The following RBFOX1 variants were observed in gnomAD, a reference collection of about 807,000 sequenced individuals.
The protein encoded by RBFOX1 is RNA binding protein fox-1 homolog 1.
A neutral mutation model predicts 57.7 loss-of-function variants in RBFOX1; 8 were observed. The observed-to-expected ratio is 0.14, with a 90% CI of 0.08 to 0.25. The LOEUF (loss-of-function observed/expected upper bound fraction) is 0.25, where lower values mean the gene tolerates loss of function less well. Among genes scored for constraint, RBFOX1 ranks in the 10% least tolerant of loss-of-function variants. The pLI, the probability that RBFOX1 is intolerant of heterozygous loss-of-function variation, is 1.00. For missense variants in RBFOX1, 611 were observed against 548.5 expected (o/e 1.11, Z -1.14); for synonymous variants, 326 against 222.4 (o/e 1.47, Z -4.15).
intron 2 of RBFOX1, among the ~76,000 whole-genome samples, chr16:5,501,318 CAAAAA>C (rs1160788118): frequency 3.2e-4 from 21 of 64,896 alleles, no homozygotes; most frequent in Admixed American, 1.2e-3. Flanking sequence ...ACTCTGTCTA[CAAAAA>C]AAAAAAAAAA....
intron 1 of RBFOX1, among the ~76,000 whole-genome samples, chr16:6,133,369 A>G (rs147133547): frequency 4.6e-5 from 7 of 152,282 alleles, no homozygotes; most frequent in Non-Finnish European, 7.3e-5. Context: ...TTTAGTGCCT[A>G]TCAGGCATGT....
At chr16:6,505,160 T>C (rs993884951) in intron 2 of RBFOX1, among the ~76,000 whole-genome samples, 1 of 152,238 alleles carries the variant, frequency 6.6e-6, no homozygotes, top group Admixed American at 6.5e-5. Context: ...CTGCCCTAGT[T>C]ATGCAGTTTC....
At chr16:7,426,569 C>T (rs765270860) in intron 4 of RBFOX1, among the ~76,000 whole-genome samples, 3 of 152,160 alleles carry the variant, frequency 2.0e-5, no homozygotes, top group Non-Finnish European at 4.4e-5. Context: ...GTTCTTCAAA[C>T]CAAATAGATG....
chr16:6,663,268 G>A lies in RBFOX1; in HGVS notation c.-16+8618G>A, dbSNP rs114744584. 5.7e-3 allele frequency among the ~76,000 whole-genome samples: 873 copies of A among 152,322 alleles called. 9 individuals carry two copies. Among genetic ancestry groups the A allele is most frequent in the African/African-American group, 0.02 (817 of 41,572 alleles). ...TGTCTCCACCCAGGAACTTGTCACA[G>A]ACGGCTCAGCTTAAGTATTTGTATA... is the stretch of plus-strand genomic sequence containing the variant. On this transcript the variant is annotated intron_variant, in intron 3 of 15. Coordinates refer to ENST00000550418, the MANE Select transcript of RBFOX1 (RefSeq NM_018723.4).
In RBFOX1 at chr16:7,417,827, C is replaced by G. The variant is rs189699481; in HGVS notation, c.28-100320C>G. Among the ~76,000 whole-genome samples the G allele has an allele frequency of 1.9e-4, 29 of 152,306 alleles. 1 individual carries two copies. The highest frequency in any genetic ancestry group is 1.6e-3 in the Admixed American group (25 of 15,300). ...TGTGGTTGCAGAATTAGTCCTCACA[C>G]AGAGCTTGATTGTCTACTTCACTTC... On this transcript the variant is annotated intron_variant, in intron 4 of 15. Coordinates refer to ENST00000550418, the MANE Select transcript of RBFOX1 (RefSeq NM_018723.4).
At chr16:6,460,251 T>A (rs2094884998) in intron 2 of RBFOX1, among the ~76,000 whole-genome samples, 1 of 152,032 alleles carries the variant, frequency 6.6e-6, no homozygotes, top group African/African-American at 2.4e-5. Context: ...TTTCCCTGTG[T>A]TTTTCCCTGT....
In RBFOX1 at chr16:6,549,552, TGGG is replaced by T. The variant is rs1476737714; in HGVS notation, c.-63-105050_-63-105048del. Among the ~76,000 whole-genome samples the T allele has an allele frequency of 6.4e-3, 235 of 36,776 alleles. 2 individuals are homozygous for T. The highest frequency in any genetic ancestry group is 0.022 in the African/African-American group (213 of 9,684). The allele number at this position is 36,776 out of a possible 152,430, so 24.1% of individuals were successfully genotyped here. On this transcript the variant is annotated intron_variant, in intron 2 of 15. Transcript: ENST00000550418. Reference sequence around the variant, plus strand: ...GAGGAGGAGGAGGGGAGGAGGAGGATGGGAGGAGGGGAGGAAGGGAGGAAGGAG... The same window carrying T: ...GAGGAGGAGGAGGGGAGGAGGAGGATAGGAGGGGAGGAAGGGAGGAAGGAG...
intron 3 of RBFOX1, among the ~76,000 whole-genome samples, chr16:5,777,672 T>G (rs1195831191): frequency 6.6e-6 from 1 of 152,188 alleles, no homozygotes; most frequent in Non-Finnish European, 1.5e-5. Flanking sequence ...AGGGTTGTTG[T>G]GAGACTTAAT....
chr16:6,989,755 T>C (rs992860042), intron 3 of RBFOX1, among the ~76,000 whole-genome samples: 1 of 152,086 alleles, frequency 6.6e-6, no homozygotes, highest in Admixed American at 6.5e-5. Flanking sequence ...ATTCCAGCAC[T>C]TTGGGAGGCT....
chr16:6,703,725 GA>G (rs2062222382), intron 3 of RBFOX1, among the ~76,000 whole-genome samples: 2 of 152,036 alleles, frequency 1.3e-5, no homozygotes, highest in South Asian at 4.2e-4. Context: ...AAAAAGAAAA[GA>G]AAAAAGAAAG....
chr16:6,427,234 G>A (rs1334842727), intron 2 of RBFOX1, among the ~76,000 whole-genome samples: 1 of 152,182 alleles, frequency 6.6e-6, no homozygotes, highest in Non-Finnish European at 1.5e-5. Context: ...ATGTGCTTCT[G>A]CCCTCTTGGC....
intron 12 of RBFOX1, among the ~76,000 whole-genome samples, chr16:7,660,636 C>A (rs2067485284): frequency 6.6e-6 from 1 of 152,186 alleles, no homozygotes; most frequent in African/African-American, 2.4e-5. Flanking sequence ...AGTAAAATAA[C>A]ACTTGGAGGA....
intron 4 of RBFOX1, among the ~76,000 whole-genome samples, chr16:7,326,483 C>G (rs368504290): frequency 3.9e-5 from 6 of 152,192 alleles, no homozygotes; most frequent in African/African-American, 1.4e-4. Flanking sequence ...ACAGACAGAG[C>G]TGCCATGATG....
chr16:5,766,047 C>A (rs8062787), intron 3 of RBFOX1, among the ~76,000 whole-genome samples: 3 of 152,020 alleles, frequency 2.0e-5, no homozygotes, highest in Non-Finnish European at 4.4e-5. Flanking sequence ...GTAGTGTGCA[C>A]GTCATGGAGC....
intron 3 of RBFOX1, among the ~76,000 whole-genome samples, chr16:6,683,429 A>T (rs1261229147): frequency 6.6e-6 from 1 of 152,184 alleles, no homozygotes; most frequent in East Asian, 1.9e-4. Flanking sequence ...GTATTTGGGG[A>T]GGATATATCT....
chr16:7,702,484 G>A (rs1438243702), intron 14 of RBFOX1, among the ~76,000 whole-genome samples: 1 of 152,184 alleles, frequency 6.6e-6, no homozygotes. Flanking sequence ...TTAGTGACGA[G>A]TATGGGATGG....
intron 3 of RBFOX1, among the ~76,000 whole-genome samples, chr16:6,846,119 T>C (rs571119210): frequency 1.3e-5 from 2 of 152,318 alleles, no homozygotes; most frequent in Non-Finnish European, 2.9e-5. Context: ...TCTTTGTTTT[T>C]CATTCGTATA....
At chr16:5,735,538 T>C (rs2052540396) in intron 3 of RBFOX1, among the ~76,000 whole-genome samples, 1 of 152,218 alleles carries the variant, frequency 6.6e-6, no homozygotes, top group African/African-American at 2.4e-5. Context: ...CCTGTTTTGA[T>C]CACTGAGGCA....
intron 4 of RBFOX1, among the ~76,000 whole-genome samples, chr16:7,276,124 T>G (rs1201971534): frequency 6.6e-6 from 1 of 152,186 alleles, no homozygotes; most frequent in Non-Finnish European, 1.5e-5. Context: ...GCTTGTAGAT[T>G]TAAAGAGACC....
Sources: gnomAD v4.1 joint callset for allele counts (sites outside exome capture counted in the v4.1 genomes callset) on GRCh38, gnomAD v4.1.1 for gene constraint, MANE v1.5 for transcripts, NCBI Gene and HGNC (gene_info 2026-07-23, HGNC 2026-07-21) for gene names.